Variants in C12orf42 observed in about 807,000 individuals in gnomAD.
C12orf42 encodes chromosome 12 open reading frame 42.
A neutral mutation model predicts 21.6 loss-of-function variants in C12orf42; 25 were observed. The ratio of observed to expected loss-of-function variants is 1.16; its 90% CI spans 0.84 to 1.62. The LOEUF (loss-of-function observed/expected upper bound fraction) is 1.62. Among genes scored for constraint, C12orf42 ranks in the 40% most tolerant of loss-of-function variants. The pLI, the probability that C12orf42 is intolerant of heterozygous loss-of-function variation, is 0.00. For synonymous variants in C12orf42, 174 were observed against 175.0 expected (o/e 0.99, Z 0.05); for missense variants, 483 against 459.3 (o/e 1.05, Z -0.47).
chr12:103,089,349 G>C, the C12orf42 span, among the ~76,000 whole-genome samples: 40 of 152,178 alleles, frequency 2.6e-4, 1 homozygote, highest in South Asian at 7.0e-3. Flanking sequence ...AAATTTTGAG[G>C]CAATTCATTT....
chr12:103,367,941 C>A (rs1462925720), intron 4 of C12orf42: 22 of 646,670 alleles, frequency 3.4e-5, no homozygotes, highest in Middle Eastern at 6.0e-4. Context: ...ATTTTATTAG[C>A]ATATAAATAT....
At chr12:103,271,657 A>C (rs1419298846) in intron 5 of C12orf42, among the ~76,000 whole-genome samples, 1 of 152,172 alleles carries the variant, frequency 6.6e-6, no homozygotes, top group Non-Finnish European at 1.5e-5. Flanking sequence ...AGTAAATGGA[A>C]GCTCTAGAAG....
chr12:103,091,255 T>C, the C12orf42 span, among the ~76,000 whole-genome samples: 1 of 152,300 alleles, frequency 6.6e-6, no homozygotes, highest in East Asian at 1.9e-4. Flanking sequence ...AATGATTATA[T>C]GCCAGCTATA....
intron 4 of C12orf42, among the ~76,000 whole-genome samples, chr12:103,324,766 T>C (rs1011511525): frequency 2.0e-5 from 3 of 152,342 alleles, no homozygotes; most frequent in East Asian, 1.9e-4. Context: ...CAGGTGATTA[T>C]GGCAAGACTA....
At chr12:103,309,166 ATGT>A (rs1393081861) in intron 4 of C12orf42, among the ~76,000 whole-genome samples, 1 of 152,200 alleles carries the variant, frequency 6.6e-6, no homozygotes, top group East Asian at 1.9e-4. Flanking sequence ...CAATGTACAC[ATGT>A]TGTCCCAGAG....
intron 4 of C12orf42, among the ~76,000 whole-genome samples, chr12:103,292,391 G>A (rs2036881376): frequency 6.6e-6 from 1 of 151,998 alleles, no homozygotes; most frequent in Non-Finnish European, 1.5e-5. Flanking sequence ...ATATAAATAT[G>A]TCTCAATAAA....
At chr12:103,417,422 C>A (rs1055838592) in intron 2 of C12orf42, among the ~76,000 whole-genome samples, 2 of 152,196 alleles carry the variant, frequency 1.3e-5, no homozygotes, top group Non-Finnish European at 2.9e-5. Context: ...TCATACTCCT[C>A]CATTTGGCAT....
the C12orf42 span, among the ~76,000 whole-genome samples, chr12:103,518,604 T>A: frequency 0.014 from 2,065 of 152,200 alleles, 44 homozygotes; most frequent in African/African-American, 0.047. Flanking sequence ...CAGAGATGTG[T>A]TTTTGCCCTG....
the C12orf42 span, among the ~76,000 whole-genome samples, chr12:103,207,922 G>C: frequency 6.6e-6 from 1 of 152,134 alleles, no homozygotes; most frequent in African/African-American, 2.4e-5. Context: ...TTTTTAACTT[G>C]CTTGAACTCC....
At chr12:103,500,638 T>C (rs1955695718), upstream of C12orf42, among the ~76,000 whole-genome samples, 1 of 152,228 alleles carries the variant, frequency 6.6e-6, no homozygotes, top group Non-Finnish European at 1.5e-5. Flanking sequence ...TGAGAATCAG[T>C]GTCACTTTAC....
At chr12:103,519,972 G>A in the C12orf42 span, among the ~76,000 whole-genome samples, 2,132 of 152,326 alleles carry the variant, frequency 0.014, 37 homozygotes, top group Non-Finnish European at 0.02. Flanking sequence ...ATGATGGAAC[G>A]AGATGGGCAC....
At chr12:103,528,098 A>G in the C12orf42 span, among the ~76,000 whole-genome samples, 1 of 152,258 alleles carries the variant, frequency 6.6e-6, no homozygotes, top group Non-Finnish European at 1.5e-5. Flanking sequence ...TACTATAGGC[A>G]TGTAATAGAT....
chr12:103,524,880 T>C, the C12orf42 span, among the ~76,000 whole-genome samples: 1 of 150,176 alleles, frequency 6.7e-6, no homozygotes, highest in South Asian at 2.1e-4. Context: ...TTGATCAGAG[T>C]TATCTTCTCC....
intron 2 of C12orf42, among the ~76,000 whole-genome samples, chr12:103,434,332 C>T (rs867085496): frequency 6.6e-6 from 1 of 152,322 alleles, no homozygotes; most frequent in South Asian, 2.1e-4. Context: ...CGGAGCTGCA[C>T]TCTGTTCTAC....
the C12orf42 span, among the ~76,000 whole-genome samples, chr12:103,527,334 T>C: frequency 6.6e-6 from 1 of 152,120 alleles, no homozygotes; most frequent in Non-Finnish European, 1.5e-5. Flanking sequence ...GGAAGGAATC[T>C]TGTCATTTGT....
At chr12:103,356,057 C>T (rs1408640825) in intron 4 of C12orf42, among the ~76,000 whole-genome samples, 1 of 152,072 alleles carries the variant, frequency 6.6e-6, no homozygotes, top group Non-Finnish European at 1.5e-5. Context: ...AAGTCAATGG[C>T]TAATTAGGAA....
At chr12:103,417,670 C>CTATCTTAAT (rs1354326682) in intron 2 of C12orf42, among the ~76,000 whole-genome samples, 1 of 152,184 alleles carries the variant, frequency 6.6e-6, no homozygotes, top group Non-Finnish European at 1.5e-5. Flanking sequence ...AGAAGATAAA[C>CTATCTTAAT]TATCTTAATT....
intron 2 of C12orf42, among the ~76,000 whole-genome samples, chr12:103,440,199 A>G (rs1322785922): frequency 1.4e-5 from 2 of 143,280 alleles, no homozygotes; most frequent in Non-Finnish European, 3.0e-5. Context: ...ATAGGTGGGA[A>G]CTGAACAATG....
intron 2 of C12orf42, among the ~76,000 whole-genome samples, chr12:103,445,118 CA>C (rs543794964): frequency 9.2e-4 from 140 of 152,118 alleles, no homozygotes; most frequent in African/African-American, 3.2e-3. Context: ...TACCGTCTCT[CA>C]GGGGTAGACG....
Sources: allele counts gnomAD v4.1 joint callset (sites outside exome capture counted in the v4.1 genomes callset), GRCh38; gene constraint gnomAD v4.1.1; transcripts MANE v1.5; gene names NCBI Gene and HGNC (gene_info 2026-07-23, HGNC 2026-07-21).